The following ZNF121 variants were observed in gnomAD, a reference collection of about 807,000 sequenced individuals.
ZNF121 encodes the protein zinc finger protein 121, also known as zinc finger protein 121 (clone ZHC32).
ZNF121 carries 1 observed loss-of-function variant against 2.4 expected under a neutral mutation model. The observed-to-expected ratio is 0.41, with a 90% CI of 0.15 to 1.94. The LOEUF is 1.94. ZNF121 is among the 30% of genes most tolerant of loss of function. ZNF121 has a pLI of 0.30. For missense variants in ZNF121, 369 were observed against 466.3 expected, an observed-to-expected ratio of 0.79 and a Z score of 1.92; for synonymous variants, 173 against 158.6, an observed-to-expected ratio of 1.09 and a Z score of -0.68.
chr19:9,579,537 T>A (rs533231395), intron 1 of ZNF121, among the ~76,000 whole-genome samples: 1 of 152,076 alleles, frequency 6.6e-6, no homozygotes, highest in Non-Finnish European at 1.5e-5. Flanking sequence ...ATACAAAAAT[T>A]AGCTGGGAAT....
chr19:9,566,933 T>C lies in ZNF121; in HGVS notation c.180A>G (p.Thr60=). 1 of 1,614,218 alleles carries C rather than the reference T, an allele frequency of 6.2e-7. No homozygotes were observed. Among genetic ancestry groups the C allele is most frequent in the South Asian group, 1.1e-5 (1 of 91,088 alleles). The change falls in exon 4 of 4, where the codon ACA becomes ACG. Residue 60 remains threonine, a synonymous_variant. Transcript: ENST00000320451. ...TTCTGCACTGATTCAACACAGAAAG[T>C]GTCTCTCCAGCAGGGGCACTGTTGT... is the stretch of plus-strand genomic sequence containing the variant. ...MLHNSAPAGE[T]LSVLNQCRKA... is the part of the protein sequence containing the mutation.
At chr19:9,570,761 A>T in intron 1 of ZNF121, among the ~76,000 whole-genome samples, 1 of 151,038 alleles carries the variant, frequency 6.6e-6, no homozygotes, top group African/African-American at 2.4e-5. Context: ...GGGTATTTTT[A>T]GTACAGACGG....
chr19:9,580,614 C>T (rs913247639), intron 1 of ZNF121, among the ~76,000 whole-genome samples: 2 of 152,180 alleles, frequency 1.3e-5, no homozygotes, highest in Non-Finnish European at 2.9e-5. Flanking sequence ...CTTTAACGCC[C>T]CACACAGTTG....
intron 1 of ZNF121, among the ~76,000 whole-genome samples, chr19:9,580,179 C>A (rs983914334): frequency 6.6e-6 from 1 of 151,924 alleles, no homozygotes; most frequent in Admixed American, 6.6e-5. Flanking sequence ...GTAGTCCCAG[C>A]TACTCAGGAG....
chr19:9,578,941 G>A lies in ZNF121; in HGVS notation c.-160+5520C>T, dbSNP rs114391388. On this transcript the variant is annotated intron_variant, in intron 1 of 3. Coordinates refer to ENST00000320451, the MANE Select transcript of ZNF121 (RefSeq NM_001008727.5). The stretch of plus-strand genomic sequence containing the variant: ...ATTTACAAACTATCCACCTGACAAA[G>A]ATTAGTAATCAAAATATATAAGGAA... 1.9e-3 allele frequency among the ~76,000 whole-genome samples: 223 copies of A among 119,482 alleles called. 1 individual carries two copies. The highest frequency in any genetic ancestry group is 6.5e-3 in the African/African-American group (213 of 32,762). The allele number at this position is 119,482 out of a possible 152,430, so 78.4% of individuals were successfully genotyped here. A position where few individuals can be genotyped will look rare whatever the true frequency, so the allele number is the denominator to read the frequency against.
chr19:9,571,159 T>A (rs1319311300), intron 1 of ZNF121, among the ~76,000 whole-genome samples: 1 of 152,218 alleles, frequency 6.6e-6, no homozygotes, highest in East Asian at 1.9e-4. Context: ...TTGCAGCTAC[T>A]CAACTCTGCT....
rs2144803982 is a variant in ZNF121 at position 9,565,893 on chromosome 19, A to G, written c.*47T>C. ...ATTCAAATGTGGTAATTATGGTATGAGAAATTCCTAAAAGATTTCCACATT... is the reference window on the plus strand; with the variant it reads ...ATTCAAATGTGGTAATTATGGTATGGGAAATTCCTAAAAGATTTCCACATT... On this transcript the variant is annotated 3_prime_UTR_variant, in exon 4 of 4. Transcript: ENST00000320451. 1 of 1,400,490 alleles carries G rather than the reference A, an allele frequency of 7.1e-7. No individual in the cohort carries two copies. Among genetic ancestry groups the G allele is most frequent in the Non-Finnish European group, 9.6e-7 (1 of 1,043,544 alleles). The allele number at this position is 1,400,490 out of a possible 1,614,324, so 86.8% of individuals were successfully genotyped here. A position where few individuals can be genotyped will look rare whatever the true frequency, so the allele number is the denominator to read the frequency against.
In ZNF121 at chr19:9,560,831, A is replaced by T. The variant is rs972295712; in HGVS notation, c.*5109T>A. 1 of 152,258 alleles carries T rather than the reference A, an allele frequency of 6.6e-6. No homozygotes were observed. Among genetic ancestry groups the T allele is most frequent in the Non-Finnish European group, 1.5e-5 (1 of 68,054 alleles). 9.4% of individuals were successfully genotyped at this position (152,258 alleles called of 1,614,324 possible). A position where few individuals can be genotyped will look rare whatever the true frequency, so the allele number is the denominator to read the frequency against. Reference sequence around the variant, plus strand: ...CTTTCTTCAGTTCCTTTGGACATGTACCTAGAAGTGGATTGCTGCTGACCA... The same window carrying T: ...CTTTCTTCAGTTCCTTTGGACATGTTCCTAGAAGTGGATTGCTGCTGACCA... On this transcript the variant is annotated 3_prime_UTR_variant, in exon 4 of 4. Coordinates refer to ENST00000320451, the MANE Select transcript of ZNF121 (RefSeq NM_001008727.5).
chr19:9,560,969 A>C lies in ZNF121; in HGVS notation c.*4971T>G, dbSNP rs933023757. ...TTTAAAAAGAGTGGTATGAGTTATC[A>C]ATTCTGAGAGTAGCTTATATTTTAA... On this transcript the variant is annotated 3_prime_UTR_variant, in exon 4 of 4. Coordinates refer to ENST00000320451, the MANE Select transcript of ZNF121 (RefSeq NM_001008727.5). 5 of 152,236 alleles carry C rather than the reference A, an allele frequency of 3.3e-5. No individual in the cohort carries two copies. Among genetic ancestry groups the C allele is most frequent in the Admixed American group, 2.0e-4 (3 of 15,280 alleles). 9.4% of individuals were successfully genotyped at this position (152,236 alleles called of 1,614,324 possible). A position where few individuals can be genotyped will look rare whatever the true frequency, so the allele number is the denominator to read the frequency against.
At chr19:9,569,692 T>C (rs1198384471) in intron 1 of ZNF121, among the ~76,000 whole-genome samples, 2 of 151,712 alleles carry the variant, frequency 1.3e-5, no homozygotes, top group East Asian at 4.0e-4. Context: ...CCATCAGGTC[T>C]GGCTAATTTT....
Position 9,561,585 on chromosome 19 carries a change from A to C in ZNF121, c.*4355T>G, listed in dbSNP as rs2074101008. 6.6e-6 allele frequency: 1 copy of C among 152,174 alleles called. No individual in the cohort carries two copies. The highest frequency in any genetic ancestry group is 6.6e-5 in the Admixed American group (1 of 15,252). 9.4% of individuals were successfully genotyped at this position (152,174 alleles called of 1,614,324 possible). On this transcript the variant is annotated 3_prime_UTR_variant, in exon 4 of 4. Coordinates refer to ENST00000320451, the MANE Select transcript of ZNF121 (RefSeq NM_001008727.5). ...TTAAGAAATGTAGAAGAAACTATGG[A>C]ATTAGAAAATCACTTTTTGGACTGG...
Position 9,565,270 on chromosome 19 carries a change from T to G in ZNF121, c.*670A>C, listed in dbSNP as rs1419926260. 6 of 144,424 alleles carry G rather than the reference T, an allele frequency of 4.2e-5. No individual in the cohort carries two copies. The highest frequency in any genetic ancestry group is 1.5e-4 in the African/African-American group (6 of 39,916). 8.9% of individuals were successfully genotyped at this position (144,424 alleles called of 1,614,324 possible). ...GGCTTTCTGTGTTTTCTACATTGTA[T>G]GGCCCCATGGTGAGTTCTCAAATGT... On this transcript the variant is annotated 3_prime_UTR_variant, in exon 4 of 4. Coordinates refer to ENST00000320451, the MANE Select transcript of ZNF121 (RefSeq NM_001008727.5).
At chr19:9,582,005 C>T (rs1391421513) in intron 1 of ZNF121, among the ~76,000 whole-genome samples, 8 of 152,142 alleles carry the variant, frequency 5.3e-5, no homozygotes, top group Admixed American at 5.2e-4. Context: ...AAAACAAGCA[C>T]AATGCTCAAA....
rs1421780747 is a variant in ZNF121 at position 9,562,753 on chromosome 19, T to A, written c.*3187A>T. On this transcript the variant is annotated 3_prime_UTR_variant, in exon 4 of 4. Transcript: ENST00000320451. Reference sequence around the variant, plus strand: ...GATTAACCTCAGTGAGAAAGTCATGTCAAAAGCCAAGATAAGAGCCAGGTG... The same window carrying A: ...GATTAACCTCAGTGAGAAAGTCATGACAAAAGCCAAGATAAGAGCCAGGTG... 1.3e-5 allele frequency: 2 copies of A among 151,806 alleles called. No individual in the cohort carries two copies. The highest frequency in any genetic ancestry group is 2.4e-5 in the African/African-American group (1 of 41,312). The allele number at this position is 151,806 out of a possible 1,614,324, so 9.4% of individuals were successfully genotyped here.
chr19:9,578,286 A>G (rs1161870475), intron 1 of ZNF121, among the ~76,000 whole-genome samples: 1 of 151,774 alleles, frequency 6.6e-6, no homozygotes. Context: ...CCCAGCTACT[A>G]GGGAGGCTGA....
rs1338006983 is a variant in ZNF121, at chr19:9,567,000, G to C, written c.113C>G (p.Thr38Ser). 1 of 1,614,046 alleles carries C rather than the reference G, an allele frequency of 6.2e-7. No individual in the cohort carries two copies. The highest frequency in any genetic ancestry group is 1.3e-5 in the African/African-American group (1 of 74,958). The change falls in exon 4 of 4, where the codon ACT becomes AGT. Residue 38 changes from threonine to serine, a missense_variant. By Grantham distance (58) the Thr-to-Ser change is moderately conservative (BLOSUM62 1). Around this residue, in one of 4 missense-constraint regions of ZNF121, gnomAD observed 168 missense variants for 162.3 expected, o/e 1.03. Coordinates refer to ENST00000320451, the MANE Select transcript of ZNF121 (RefSeq NM_001008727.5). ...AHMGTENTGD[T>S]YDCDEYGENF... The stretch of plus-strand genomic sequence containing the variant: ...TTCTCCATACTCATCACAGTCATAA[G>C]TGTCCCCTGTATTTTCAGTTCCCAT...
At chr19:9,578,591 T>A (rs903115384) in intron 1 of ZNF121, among the ~76,000 whole-genome samples, 1 of 152,080 alleles carries the variant, frequency 6.6e-6, no homozygotes, top group Admixed American at 6.5e-5. Context: ...ACCAAAAGCA[T>A]ACAATGGGAA....
rs190898087 is a variant in ZNF121, at chr19:9,577,755, C to T, written c.-160+6706G>A. Among the ~76,000 whole-genome samples the T allele has an allele frequency of 2.0e-4, 30 of 152,042 alleles. No homozygotes were observed. The South Asian group carries it at 2.3e-3, about 12-fold the overall frequency. On this transcript the variant is annotated intron_variant, in intron 1 of 3. Coordinates refer to ENST00000320451, the MANE Select transcript of ZNF121 (RefSeq NM_001008727.5). ...CCAAAGAAATACTGACCAAAAAAAA[C>T]GAAGCTGGAGTGGCCAGGTGCAGTG...
chr19:9,584,100 G>T (rs941363148), intron 1 of ZNF121: 3 of 152,234 alleles, frequency 2.0e-5, no homozygotes, highest in East Asian at 3.8e-4. Context: ...GAAACGCCAG[G>T]TTCCTGAGGC....
Sources: gnomAD v4.1 joint callset for allele counts (sites outside exome capture counted in the v4.1 genomes callset) on GRCh38, gnomAD v4.1.1 for gene constraint, gnomAD v4.1.1 regional missense constraint, MANE v1.5 for transcripts, NCBI Gene and HGNC (gene_info 2026-07-23, HGNC 2026-07-21) for gene names.